Variants in MEI4 observed in about 807,000 individuals in gnomAD.
MEI4 encodes the protein meiotic double-stranded break formation protein 4, also known as meiosis-specific protein MEI4.
In MEI4, 27 loss-of-function variants were observed where a neutral mutation model predicts 31.4. The ratio of observed to expected loss-of-function variants is 0.86; its 90% CI spans 0.63 to 1.19. The LOEUF is 1.19. MEI4 is among the 50% of genes most tolerant of loss of function. The pLI is 0.00. For synonymous variants in MEI4, 122 were observed against 145.4 expected (o/e 0.84, Z 1.16); for missense variants, 329 against 398.9 (o/e 0.82, Z 1.49).
intron 2 of MEI4, among the ~76,000 whole-genome samples, chr6:77,700,333 T>G (rs914242532): frequency 2.0e-5 from 3 of 152,140 alleles, no homozygotes; most frequent in Non-Finnish European, 2.9e-5. Context: ...ACCTTGTAGT[T>G]TGATCTGACA....
chr6:77,847,083 GA>G lies in MEI4; in HGVS notation c.900+18024del, dbSNP rs1770506843. The stretch of plus-strand genomic sequence containing the variant: ...GGGTTCTGTGCTTTTACTAGGAGTT[GA>G]AAGGAGTGAGGGAATATTGTTTTTT... On this transcript the variant is annotated intron_variant, in intron 4 of 4. Coordinates refer to ENST00000684080, the MANE Select transcript of MEI4 (RefSeq NM_001322247.2). The surrounding 1 kb of genome is among the most constrained non-coding windows in gnomAD (Gnocchi z 4.6). 6.6e-6 allele frequency among the ~76,000 whole-genome samples: 1 copy of G among 151,308 alleles called. No homozygotes were observed. Among genetic ancestry groups the G allele is most frequent in the African/African-American group, 2.4e-5 (1 of 41,182 alleles).
chr6:77,818,026 A>G (rs2127707255), intron 3 of MEI4, among the ~76,000 whole-genome samples: 1 of 152,332 alleles, frequency 6.6e-6, no homozygotes, highest in East Asian at 1.9e-4. Context: ...CCTACCAATT[A>G]GAATCTATAA....
In MEI4 at chr6:77,830,110, C is replaced by G. The variant is rs1156847694; in HGVS notation, c.900+1048C>G. Among the ~76,000 whole-genome samples the G allele has an allele frequency of 4.0e-5, 6 of 151,816 alleles. No homozygotes were observed. The East Asian group carries it at 1.2e-3, about 29-fold the overall frequency. ...GATGTTTTCATAGGAGTTCCAAGAT[C>G]AAGGAATAGGCCATGGTAGATTGCA... On this transcript the variant is annotated intron_variant, in intron 4 of 4. Coordinates refer to ENST00000684080, the MANE Select transcript of MEI4 (RefSeq NM_001322247.2).
At chr6:77,755,611 G>T (rs1767896036) in intron 2 of MEI4, among the ~76,000 whole-genome samples, 1 of 151,924 alleles carries the variant, frequency 6.6e-6, no homozygotes, top group African/African-American at 2.4e-5. Flanking sequence ...TAGAGATGGG[G>T]TTTTACCATG....
intron 2 of MEI4, among the ~76,000 whole-genome samples, chr6:77,722,003 A>T (rs1168413325): frequency 7.9e-6 from 1 of 126,520 alleles, no homozygotes; most frequent in African/African-American, 3.0e-5. Context: ...ACTATTAAGC[A>T]TTCCCTGAGG....
chr6:77,904,472 C>T (rs1251836305), intron 4 of MEI4, among the ~76,000 whole-genome samples: 2 of 152,076 alleles, frequency 1.3e-5, no homozygotes, highest in Non-Finnish European at 2.9e-5. Context: ...ACCCCCCACT[C>T]TCAAGTAGGC....
intron 4 of MEI4, among the ~76,000 whole-genome samples, chr6:77,888,751 G>A (rs576456590): frequency 1.4e-4 from 22 of 152,110 alleles, no homozygotes; most frequent in African/African-American, 5.1e-4. Context: ...AATATGGCCT[G>A]GCTGTGTTCC....
At chr6:77,804,522 A>T (rs1769377365) in intron 3 of MEI4, among the ~76,000 whole-genome samples, 1 of 152,166 alleles carries the variant, frequency 6.6e-6, no homozygotes, top group Non-Finnish European at 1.5e-5. Context: ...GGAAATGCAG[A>T]AATCACCCGT....
intron 2 of MEI4, among the ~76,000 whole-genome samples, chr6:77,755,000 T>C (rs968870597): frequency 2.0e-5 from 3 of 151,940 alleles, no homozygotes; most frequent in Admixed American, 2.0e-4. Flanking sequence ...ATTTTATGGG[T>C]AAGTTAGGGA....
At chr6:77,917,861 G>GT (rs1319302575) in intron 4 of MEI4, among the ~76,000 whole-genome samples, 1 of 147,758 alleles carries the variant, frequency 6.8e-6, no homozygotes, top group African/African-American at 2.5e-5. Context: ...GTCCTGAATG[G>GT]TAATGCCTAG....
intron 4 of MEI4, among the ~76,000 whole-genome samples, chr6:77,839,839 T>G (rs1770314961): frequency 6.6e-6 from 1 of 152,178 alleles, no homozygotes; most frequent in Admixed American, 6.5e-5. Context: ...TGTGTCACAA[T>G]ATAATTCTTA....
chr6:77,651,410 C>A (rs1257797432), upstream of MEI4, among the ~76,000 whole-genome samples: 1 of 152,144 alleles, frequency 6.6e-6, no homozygotes, highest in Admixed American at 6.5e-5. Flanking sequence ...TGAATTCCAT[C>A]AGGAACCATA....
chr6:77,925,491 G>A lies in MEI4; in HGVS notation c.*2145G>A, dbSNP rs781682094. 6 of 151,686 alleles carry A rather than the reference G, an allele frequency of 4.0e-5. No individual in the cohort carries two copies. In the East Asian group the frequency reaches 9.7e-4, roughly 25 times the overall value. 9.4% of individuals were successfully genotyped at this position (151,686 alleles called of 1,614,324 possible). A position where few individuals can be genotyped will look rare whatever the true frequency, so the allele number is the denominator to read the frequency against. On this transcript the variant is annotated 3_prime_UTR_variant, in exon 5 of 5. Transcript: ENST00000684080. ...GATAAAATGAGACATTTTTATCTGT[G>A]TTTCAGTAAAGCAGTGAATTAATGA...
intron 4 of MEI4, among the ~76,000 whole-genome samples, chr6:77,890,929 A>G (rs1771751248): frequency 6.6e-6 from 1 of 152,192 alleles, no homozygotes; most frequent in Non-Finnish European, 1.5e-5. Context: ...CATGATTGTA[A>G]GTTTTCTGAG....
At chr6:77,914,258 CT>C in intron 4 of MEI4, among the ~76,000 whole-genome samples, 1 of 151,682 alleles carries the variant, frequency 6.6e-6, no homozygotes, top group East Asian at 2.0e-4. Flanking sequence ...TTCAGTACTG[CT>C]TTTGCTATAT....
chr6:77,864,485 G>A, intron 4 of MEI4, among the ~76,000 whole-genome samples: 1 of 152,068 alleles, frequency 6.6e-6, no homozygotes, highest in Admixed American at 6.6e-5. Flanking sequence ...AGACAAAGAA[G>A]GCCATTACAT....
rs555121409 is a variant in MEI4, at chr6:77,713,230, G to A, written c.232+22327G>A. On this transcript the variant is annotated intron_variant, in intron 2 of 4. Transcript: ENST00000684080. ...ATGGTTTGGATATTGAGGAACTTAT[G>A]GTTAAGGATTAATGAGGAATGCTTA... 2.1e-4 allele frequency among the ~76,000 whole-genome samples: 32 copies of A among 152,206 alleles called. 1 individual carries two copies. The highest frequency in any genetic ancestry group is 1.2e-3 in the South Asian group (6 of 4,826).
intron 2 of MEI4, among the ~76,000 whole-genome samples, chr6:77,732,318 A>T (rs1767026191): frequency 2.6e-5 from 4 of 151,938 alleles, no homozygotes; most frequent in East Asian, 3.9e-4. Flanking sequence ...CAGTGGTTTG[A>T]GGTTCTCCTT....
rs1769780965 is a variant in MEI4 at position 77,820,080 on chromosome 6, T to C, written c.769-8851T>C. Among the ~76,000 whole-genome samples the C allele has an allele frequency of 6.6e-6, 1 of 152,148 alleles. No individual in the cohort carries two copies. Among genetic ancestry groups the C allele is most frequent in the Non-Finnish European group, 1.5e-5 (1 of 68,030 alleles). On this transcript the variant is annotated intron_variant, in intron 3 of 4. Coordinates refer to ENST00000684080, the MANE Select transcript of MEI4 (RefSeq NM_001322247.2). This position sits in a 1 kb window ranked among gnomAD's most constrained non-coding sequence, Gnocchi z 4.5. Reference sequence around the variant, plus strand: ...TTCTGAATGGTTTTCCTTCTATCACTGTGTACTTGGCAGTGTCAGTATCAG... The same window carrying C: ...TTCTGAATGGTTTTCCTTCTATCACCGTGTACTTGGCAGTGTCAGTATCAG...
Sources: allele counts gnomAD v4.1 joint callset (sites outside exome capture counted in the v4.1 genomes callset), GRCh38; gene constraint gnomAD v4.1.1; non-coding constraint Gnocchi (gnomAD v3.1); transcripts MANE v1.5; gene names NCBI Gene and HGNC (gene_info 2026-07-23, HGNC 2026-07-21).